Variants in NRXN1 observed in about 807,000 individuals in gnomAD.
NRXN1 encodes the protein neurexin 1, also known as neurexin-1.
In NRXN1, 39 loss-of-function variants were observed where a neutral mutation model predicts 150.9. The observed-to-expected ratio is 0.26, with a 90% confidence interval of 0.20 to 0.34. The LOEUF is 0.34. Ranked by LOEUF, NRXN1 falls within the 10% of genes least tolerant of loss-of-function variation. NRXN1 has a pLI of 1.00. For missense variants in NRXN1, 1,815 were observed against 1,949.9 expected (o/e 0.93, Z 1.30); for synonymous variants, 924 against 757.0 (o/e 1.22, Z -3.62).
intron 5 of NRXN1, among the ~76,000 whole-genome samples, chr2:50,689,645 G>A (rs1431269265): frequency 1.3e-5 from 2 of 152,062 alleles, no homozygotes; most frequent in East Asian, 1.9e-4. Flanking sequence ...ATAAGCTTTA[G>A]GTAGCAAAAG....
At chr2:50,308,477 G>T (rs1026588884) in intron 17 of NRXN1, among the ~76,000 whole-genome samples, 2 of 151,988 alleles carry the variant, frequency 1.3e-5, no homozygotes, top group African/African-American at 2.4e-5. Context: ...ACAGGCACAT[G>T]CCGCAACTTC....
chr2:49,978,831 A>G (rs575509140), intron 21 of NRXN1, among the ~76,000 whole-genome samples: 1 of 152,338 alleles, frequency 6.6e-6, no homozygotes, highest in African/African-American at 2.4e-5. Flanking sequence ...TACAAATTGA[A>G]TAGTCCAACT....
At chr2:50,289,341 C>A (rs2072607130) in intron 17 of NRXN1, among the ~76,000 whole-genome samples, 1 of 152,122 alleles carries the variant, frequency 6.6e-6, no homozygotes, top group Non-Finnish European at 1.5e-5. Context: ...GAGTGTGGAT[C>A]TGGGTAGCTG....
intron 8 of NRXN1, chr2:50,619,372 C>T (rs1233576017): frequency 6.6e-6 from 1 of 152,052 alleles, no homozygotes; most frequent in African/African-American, 2.4e-5. Flanking sequence ...TTTCTCTCCC[C>T]AAAACCCAAC....
At chr2:50,831,412 T>A (rs773006023) in intron 5 of NRXN1, among the ~76,000 whole-genome samples, 5 of 152,200 alleles carry the variant, frequency 3.3e-5, no homozygotes, top group Non-Finnish European at 5.9e-5. Context: ...ATTCCCTTTT[T>A]ATAAGTACAA....
chr2:50,114,913 C>T (rs936058007), intron 18 of NRXN1, among the ~76,000 whole-genome samples: 10 of 151,778 alleles, frequency 6.6e-5, no homozygotes. Flanking sequence ...AATGAATGTA[C>T]TCCGTGTGAT....
intron 17 of NRXN1, among the ~76,000 whole-genome samples, chr2:50,291,652 C>G (rs981250161): frequency 6.6e-6 from 1 of 152,174 alleles, no homozygotes; most frequent in African/African-American, 2.4e-5. Context: ...AGATGAGTGT[C>G]CTGCTCTCTC....
intron 5 of NRXN1, among the ~76,000 whole-genome samples, chr2:50,750,500 G>A (rs536915880): frequency 6.6e-6 from 1 of 152,116 alleles, no homozygotes. Flanking sequence ...CAAATGATGA[G>A]ATAATGGATG....
At chr2:50,183,526 T>TA (rs910763946) in intron 18 of NRXN1, among the ~76,000 whole-genome samples, 4 of 151,624 alleles carry the variant, frequency 2.6e-5, no homozygotes, top group East Asian at 1.9e-4. Flanking sequence ...ACTGTGTTTG[T>TA]AAAAAAAATA....
At chr2:50,151,598 C>T (rs374039013) in intron 18 of NRXN1, among the ~76,000 whole-genome samples, 1 of 151,386 alleles carries the variant, frequency 6.6e-6, no homozygotes, top group South Asian at 2.1e-4. Context: ...AGCTTTAAAA[C>T]AAGCAAATAA....
chr2:50,865,662 T>TTTTG lies in NRXN1; in HGVS notation c.832+56206_832+56207insCAAA, dbSNP rs1298667610. 3.8e-3 allele frequency among the ~76,000 whole-genome samples: 481 copies of TTTTG among 126,386 alleles called. 15 individuals are homozygous for TTTTG. Among genetic ancestry groups the TTTTG allele is most frequent in the Non-Finnish European group, 6.8e-3 (399 of 58,330 alleles). The allele number at this position is 126,386 out of a possible 152,430, so 82.9% of individuals were successfully genotyped here. A position where few individuals can be genotyped will look rare whatever the true frequency, so the allele number is the denominator to read the frequency against. On this transcript the variant is annotated intron_variant, in intron 5 of 22. Transcript: ENST00000401669. ...ATTCCCAGTAAGCATTTGAAAGTTTTTTTTTTTTTTTTTTTTTTTTTTTTG... is the reference window on the plus strand; with the variant it reads ...ATTCCCAGTAAGCATTTGAAAGTTTTTTTGTTTTTTTTTTTTTTTTTTTTTTTTG...
At chr2:50,756,510 TA>T (rs1223535105) in intron 5 of NRXN1, among the ~76,000 whole-genome samples, 1 of 151,818 alleles carries the variant, frequency 6.6e-6, no homozygotes, top group Non-Finnish European at 1.5e-5. Context: ...CAAATTTCCT[TA>T]CCCTTTGTTC....
intron 5 of NRXN1, among the ~76,000 whole-genome samples, chr2:50,770,748 T>A (rs1409291418): frequency 6.6e-6 from 1 of 152,036 alleles, no homozygotes; most frequent in Non-Finnish European, 1.5e-5. Context: ...CATAGATAAA[T>A]GCTCAACATT....
chr2:50,891,579 T>C (rs1681073200), intron 5 of NRXN1, among the ~76,000 whole-genome samples: 2 of 152,078 alleles, frequency 1.3e-5, no homozygotes, highest in African/African-American at 4.8e-5. Flanking sequence ...TAAAAATTAA[T>C]CATTACTTGA....
intron 17 of NRXN1, among the ~76,000 whole-genome samples, chr2:50,400,258 T>C (rs920510069): frequency 7.9e-5 from 12 of 152,152 alleles, no homozygotes; most frequent in African/African-American, 2.9e-4. Flanking sequence ...TATTCCAATA[T>C]GTGTAAGATT....
At chr2:50,277,721 A>G (rs144338419) in intron 17 of NRXN1, among the ~76,000 whole-genome samples, 2 of 152,180 alleles carry the variant, frequency 1.3e-5, no homozygotes, top group East Asian at 3.9e-4. Flanking sequence ...ATTAAAGCAC[A>G]AACTCCTTTA....
chr2:50,657,678 C>T (rs1686693070), intron 5 of NRXN1, among the ~76,000 whole-genome samples: 1 of 151,988 alleles, frequency 6.6e-6, no homozygotes, highest in Non-Finnish European at 1.5e-5. Context: ...GAAGAGTAGA[C>T]ATGAGATAAG....
rs1559075853 is a variant in NRXN1, at chr2:50,651,512, A to ACATG, written c.833-27898_833-27897insCATG. On this transcript the variant is annotated intron_variant, in intron 5 of 22. Transcript: ENST00000401669. ...GACATGACATGACATGACATGACAT[A>ACATG]ACATGACATAACATAACATAACATA... Among the ~76,000 whole-genome samples the ACATG allele has an allele frequency of 1.0e-4, 13 of 128,768 alleles. 1 individual carries two copies. Among genetic ancestry groups the ACATG allele is most frequent in the African/African-American group, 2.4e-4 (8 of 33,556 alleles). 84.5% of individuals were successfully genotyped at this position (128,768 alleles called of 152,430 possible). A position where few individuals can be genotyped will look rare whatever the true frequency, so the allele number is the denominator to read the frequency against.
At chr2:50,407,255 C>A (rs769434015) in intron 17 of NRXN1, among the ~76,000 whole-genome samples, 1 of 152,108 alleles carries the variant, frequency 6.6e-6, no homozygotes, top group African/African-American at 2.4e-5. Flanking sequence ...ATTTTCTTTC[C>A]TTGCCCCAAG....
Sources: allele counts gnomAD v4.1 joint callset (sites outside exome capture counted in the v4.1 genomes callset), GRCh38; gene constraint gnomAD v4.1.1; transcripts MANE v1.5; gene names NCBI Gene and HGNC (gene_info 2026-07-23, HGNC 2026-07-21).